Variants in GATAD2B observed in about 807,000 individuals in gnomAD.
GATAD2B encodes the protein transcriptional repressor p66-beta.
GATAD2B carries 8 observed loss-of-function variants against 64.3 expected under a neutral mutation model. That is an observed-to-expected ratio of 0.12 (90% CI 0.07 to 0.22). GATAD2B has a LOEUF of 0.22. Among genes scored for constraint, GATAD2B ranks in the 10% least tolerant of loss-of-function variants. The probability of loss-of-function intolerance (pLI) is 1.00; values close to 1 mark genes in which losing one functional copy is unlikely to be tolerated. For missense variants in GATAD2B, 453 were observed against 752.0 expected (o/e 0.60, Z 4.65); for synonymous variants, 281 against 271.3 (o/e 1.04, Z -0.35).
chr1:153,861,381 G>A (rs1444230943), intron 1 of GATAD2B, among the ~76,000 whole-genome samples: 2 of 151,094 alleles, frequency 1.3e-5, no homozygotes, highest in Non-Finnish European at 2.9e-5. Context: ...GTGAGCCACT[G>A]TGCCTCCCAC....
intron 1 of GATAD2B, among the ~76,000 whole-genome samples, chr1:153,903,506 A>G (rs1677839619): frequency 6.6e-6 from 1 of 152,224 alleles, no homozygotes; most frequent in Admixed American, 6.5e-5. Context: ...AAGTTTAAAT[A>G]CTTTAAAGTA....
chr1:153,922,360 A>C (rs1678472959), intron 1 of GATAD2B, among the ~76,000 whole-genome samples: 1 of 145,338 alleles, frequency 6.9e-6, no homozygotes, highest in African/African-American at 2.6e-5. Flanking sequence ...AGGGAGTGAA[A>C]GCGGGGATGG....
intron 1 of GATAD2B, among the ~76,000 whole-genome samples, chr1:153,831,254 C>G (rs768599374): frequency 6.6e-6 from 1 of 152,138 alleles, no homozygotes; most frequent in African/African-American, 2.4e-5. Context: ...CAAACACTGC[C>G]TGTTTTCACT....
At chr1:153,911,535 G>A (rs1156566558) in intron 1 of GATAD2B, among the ~76,000 whole-genome samples, 3 of 152,034 alleles carry the variant, frequency 2.0e-5, no homozygotes, top group South Asian at 2.1e-4. Context: ...AGGAGTTCGC[G>A]ACCAGCCTGA....
At chr1:153,848,907 C>G (rs1011869366) in intron 1 of GATAD2B, among the ~76,000 whole-genome samples, 7 of 152,122 alleles carry the variant, frequency 4.6e-5, no homozygotes, top group Non-Finnish European at 8.8e-5. Flanking sequence ...GAGCCAATAT[C>G]GCGCCACTGC....
At chr1:153,889,687 A>G in intron 1 of GATAD2B, 1 of 815,536 alleles carries the variant, frequency 1.2e-6, no homozygotes, top group Non-Finnish European at 1.5e-6. Context: ...CATGTTACTT[A>G]TTTTCATATG....
At chr1:153,913,013 G>A (rs1438255449) in intron 1 of GATAD2B, among the ~76,000 whole-genome samples, 5 of 152,094 alleles carry the variant, frequency 3.3e-5, no homozygotes, top group African/African-American at 4.8e-5. Flanking sequence ...GCTTGAACCC[G>A]GGAGGTAGAG....
chr1:153,904,488 A>G (rs1025346388), intron 1 of GATAD2B, among the ~76,000 whole-genome samples: 1 of 152,160 alleles, frequency 6.6e-6, no homozygotes, highest in African/African-American at 2.4e-5. Context: ...TGCTCCAACC[A>G]TAACAAAATG....
Position 153,819,732 on chromosome 1 carries a change from C to T in GATAD2B, c.339G>A (p.Glu113=). 1 of 1,594,976 alleles carries T rather than the reference C, an allele frequency of 6.3e-7. No homozygotes were observed. The highest frequency in any genetic ancestry group is 1.4e-5 in the African/African-American group (1 of 73,860). ...AGGGAGTTAGCCTTCCTCGCTCTGG[C>T]TCACTAGACAAGAAAGGGAAAAAAT... The part of the protein sequence containing the change: ...EPVDMSARRS[E]PERGRLTPSP... Residue 113 remains glutamate, a synonymous_variant, in exon 3 of 11, where the codon GAG becomes GAA. Coordinates refer to ENST00000368655, the MANE Select transcript of GATAD2B (RefSeq NM_020699.4).
Position 153,831,995 on chromosome 1 carries a change from A to G in GATAD2B, c.-1-3647T>C, listed in dbSNP as rs1044268844. 3.3e-5 allele frequency among the ~76,000 whole-genome samples: 5 copies of G among 152,324 alleles called. No individual in the cohort carries two copies. The South Asian group carries it at 8.3e-4, about 25-fold the overall frequency. On this transcript the variant is annotated intron_variant, in intron 1 of 10. Coordinates refer to ENST00000368655, the MANE Select transcript of GATAD2B (RefSeq NM_020699.4). Reference sequence around the variant, plus strand: ...TTTGGGAAGCCAAGGCGGGCTGATCACTTGAGGTCAGGAGTTCGAGACCAG... The same window carrying G: ...TTTGGGAAGCCAAGGCGGGCTGATCGCTTGAGGTCAGGAGTTCGAGACCAG...
intron 1 of GATAD2B, among the ~76,000 whole-genome samples, chr1:153,909,299 C>T (rs763279364): frequency 1.2e-4 from 18 of 151,718 alleles, no homozygotes; most frequent in Non-Finnish European, 1.6e-4. Flanking sequence ...CTGCAACCTC[C>T]GCCTCCTGGG....
rs1191157111 is a variant in GATAD2B, at chr1:153,806,934, A to C, written c.*3243T>G. On this transcript the variant is annotated 3_prime_UTR_variant, in exon 11 of 11. Coordinates refer to ENST00000368655, the MANE Select transcript of GATAD2B (RefSeq NM_020699.4). ...AAGGAAAGGTAACCAAAGCAGGAAA[A>C]CATTTATCTCTGTGTCTTAAAAAAA... The C allele has an allele frequency of 6.6e-6, 1 of 152,202 alleles. No individual in the cohort carries two copies. Among genetic ancestry groups the C allele is most frequent in the Non-Finnish European group, 1.5e-5 (1 of 68,028 alleles). The allele number at this position is 152,202 out of a possible 1,614,324, so 9.4% of individuals were successfully genotyped here.
chr1:153,921,911 C>T (rs1177188766), intron 1 of GATAD2B: 6 of 152,174 alleles, frequency 3.9e-5, no homozygotes, highest in Non-Finnish European at 8.8e-5. Flanking sequence ...GAGTGGCTCG[C>T]TCCTCAATGT....
intron 2 of GATAD2B, among the ~76,000 whole-genome samples, chr1:153,824,759 A>G (rs1222251759): frequency 7.0e-6 from 1 of 143,092 alleles, no homozygotes; most frequent in Non-Finnish European, 1.5e-5. Context: ...TGAAAACAGG[A>G]AAAAAAAAAA....
intron 1 of GATAD2B, among the ~76,000 whole-genome samples, chr1:153,847,992 T>C (rs1410632145): frequency 1.3e-5 from 2 of 152,178 alleles, no homozygotes; most frequent in Non-Finnish European, 2.9e-5. Context: ...GATACCATGG[T>C]CCAATTCCCA....
intron 1 of GATAD2B, among the ~76,000 whole-genome samples, chr1:153,918,496 T>A (rs1678338167): frequency 6.6e-6 from 1 of 152,250 alleles, no homozygotes; most frequent in Admixed American, 6.5e-5. Context: ...AATTTATTAA[T>A]CCTGGTGTCT....
chr1:153,915,326 G>A (rs372231641), intron 1 of GATAD2B, among the ~76,000 whole-genome samples: 6 of 152,150 alleles, frequency 3.9e-5, no homozygotes, highest in Admixed American at 1.3e-4. Context: ...AGGAGGCTGC[G>A]GCAGGAGAAT....
At chr1:153,884,099 C>T (rs1677093073) in intron 1 of GATAD2B, among the ~76,000 whole-genome samples, 1 of 151,592 alleles carries the variant, frequency 6.6e-6, no homozygotes, top group African/African-American at 2.4e-5. Flanking sequence ...GAGTTCGACA[C>T]CAGCCTGGCC....
intron 1 of GATAD2B, among the ~76,000 whole-genome samples, chr1:153,869,392 GAA>G (rs1676588476): frequency 6.6e-6 from 1 of 151,742 alleles, no homozygotes; most frequent in Non-Finnish European, 1.5e-5. Flanking sequence ...TTTCACTGCA[GAA>G]AACAATTGTT....
Sources: allele counts gnomAD v4.1 joint callset (sites outside exome capture counted in the v4.1 genomes callset), GRCh38; gene constraint gnomAD v4.1.1; transcripts MANE v1.5; gene names NCBI Gene and HGNC (gene_info 2026-07-23, HGNC 2026-07-21).